Variants in EDEM2 observed in about 807,000 individuals in gnomAD.
EDEM2 encodes ER degradation enhancing alpha-mannosidase like protein 2.
Under a neutral mutation model 64.8 loss-of-function variants are expected in EDEM2, and 39 were observed. That is an observed-to-expected ratio of 0.60 (90% CI 0.47 to 0.79). The LOEUF is 0.79. Among genes scored for constraint, EDEM2 ranks in the 30% least tolerant of loss-of-function variants. EDEM2 has a pLI of 0.00. For missense variants in EDEM2, 609 were observed against 731.3 expected (o/e 0.83, Z 1.93); for synonymous variants, 296 against 291.5 (o/e 1.02, Z -0.16).
At chr20:35,133,407 T>C (rs1484532323) in intron 6 of EDEM2, among the ~76,000 whole-genome samples, 1 of 151,602 alleles carries the variant, frequency 6.6e-6, no homozygotes, top group Non-Finnish European at 1.5e-5. Flanking sequence ...ACGGTCCCAC[T>C]GCTGGAGCAA....
intron 4 of EDEM2, among the ~76,000 whole-genome samples, chr20:35,140,862 T>A (rs2085643700): frequency 2.6e-5 from 4 of 152,088 alleles, no homozygotes; most frequent in Admixed American, 2.6e-4. Flanking sequence ...CTCACACCTA[T>A]AATCCCAGCA....
intron 9 of EDEM2, among the ~76,000 whole-genome samples, chr20:35,120,376 T>G (rs2146087815): frequency 6.6e-6 from 1 of 152,128 alleles, no homozygotes; most frequent in Middle Eastern, 3.4e-3. Context: ...AGTTCTTATT[T>G]TAGAGAAAAG....
At chr20:35,121,789 G>A (rs939789468) in intron 9 of EDEM2, among the ~76,000 whole-genome samples, 3 of 107,100 alleles carry the variant, frequency 2.8e-5, no homozygotes, top group Non-Finnish European at 3.8e-5. Context: ...TCCTGACAGC[G>A]GTGCCTTATG....
rs1187294719 is a variant in EDEM2 at position 35,120,051 on chromosome 20, GTTC to G, written c.1115-1335_1115-1333del. Among the ~76,000 whole-genome samples the G allele has an allele frequency of 2.6e-5, 4 of 152,096 alleles. No homozygotes were observed. In the East Asian group the frequency reaches 7.7e-4, roughly 29 times the overall value. On this transcript the variant is annotated intron_variant, in intron 9 of 10. Transcript: ENST00000374492. ...TTTTGGCTTATTGCTGCAAACTCTG[GTTC>G]TTATTTTATTCCGTTAATTACTTTT...
intron 10 of EDEM2, 93 bp downstream of exon 10, chr20:35,118,505 A>G (rs780916513): frequency 1.3e-6 from 2 of 1,582,890 alleles, no homozygotes; most frequent in South Asian, 1.1e-5. Context: ...TCTAGTGCTG[A>G]TATGTCAGAA....
Position 35,134,403 on chromosome 20 carries a change from G to A in EDEM2, c.702+335C>T, listed in dbSNP as rs185642524. Reference sequence around the variant, plus strand: ...AGAAACACAGCAAATACAGATAGACGCTAAAAATGAAGGCCGGACGAGCTG... The same window carrying A: ...AGAAACACAGCAAATACAGATAGACACTAAAAATGAAGGCCGGACGAGCTG... On this transcript the variant is annotated intron_variant, in intron 6 of 10. Coordinates refer to ENST00000374492, the MANE Select transcript of EDEM2 (RefSeq NM_018217.3). Among the ~76,000 whole-genome samples the A allele has an allele frequency of 9.2e-5, 14 of 152,148 alleles. No individual in the cohort carries two copies. In the East Asian group the frequency reaches 1.7e-3, roughly 19 times the overall value.
In EDEM2 at chr20:35,147,260, G is replaced by A; in HGVS notation, c.-2C>T. The A allele has an allele frequency of 6.4e-7, 1 of 1,562,592 alleles. No individual in the cohort carries two copies. The highest frequency in any genetic ancestry group is 8.7e-7 in the Non-Finnish European group (1 of 1,150,406). ...CGGGATGAGCAGCCGGAAAGGCATA[G>A]AGCTCGTGTCCTCTCAGCGCCCCCG... On this transcript the variant is annotated 5_prime_UTR_variant, in exon 1 of 11. Coordinates refer to ENST00000374492, the MANE Select transcript of EDEM2 (RefSeq NM_018217.3).
intron 7 of EDEM2, among the ~76,000 whole-genome samples, chr20:35,130,789 A>G (rs1353630289): frequency 2.0e-5 from 3 of 152,242 alleles, no homozygotes; most frequent in African/African-American, 7.2e-5. Flanking sequence ...TTAGGTGCTC[A>G]ACAATTCCTC....
intron 4 of EDEM2, 85 bp downstream of exon 4, chr20:35,142,288 T>C: frequency 8.7e-7 from 1 of 1,146,840 alleles, no homozygotes; most frequent in Non-Finnish European, 1.3e-6. Flanking sequence ...TGGTCAGTCC[T>C]TAAAATCCTA....
chr20:35,123,222 A>G (rs757079741), intron 9 of EDEM2, among the ~76,000 whole-genome samples: 3 of 152,172 alleles, frequency 2.0e-5, no homozygotes, highest in Non-Finnish European at 4.4e-5. Context: ...GCTTGCCTAC[A>G]CTTCTGAAAT....
In EDEM2 at chr20:35,147,273, C is replaced by A. The variant is rs1215081239; in HGVS notation, c.-15G>T. On this transcript the variant is annotated 5_prime_UTR_variant, in exon 1 of 11. Coordinates refer to ENST00000374492, the MANE Select transcript of EDEM2 (RefSeq NM_018217.3). The stretch of plus-strand genomic sequence containing the variant: ...CGGAAAGGCATAGAGCTCGTGTCCT[C>A]TCAGCGCCCCCGCAGCAGCAGCAGC... The A allele has an allele frequency of 6.6e-7, 1 of 1,512,458 alleles. No homozygotes were observed. The highest frequency in any genetic ancestry group is 1.3e-5 in the South Asian group (1 of 78,244). The allele number at this position is 1,512,458 out of a possible 1,614,324, so 93.7% of individuals were successfully genotyped here. A position where few individuals can be genotyped will look rare whatever the true frequency, so the allele number is the denominator to read the frequency against.
intron 5 of EDEM2, among the ~76,000 whole-genome samples, chr20:35,137,057 C>G (rs2085586116): frequency 6.6e-6 from 1 of 152,176 alleles, no homozygotes; most frequent in African/African-American, 2.4e-5. Context: ...TCATTTTAGC[C>G]TCTCCAAAAC....
intron 4 of EDEM2, among the ~76,000 whole-genome samples, chr20:35,138,853 G>A (rs2085613882): frequency 6.6e-6 from 1 of 151,998 alleles, no homozygotes; most frequent in Non-Finnish European, 1.5e-5. Flanking sequence ...CAAAGTGCTG[G>A]ATTTACAGGC....
chr20:35,145,313 C>T (rs1441688539), intron 2 of EDEM2, among the ~76,000 whole-genome samples: 1 of 152,220 alleles, frequency 6.6e-6, no homozygotes, highest in Non-Finnish European at 1.5e-5. Flanking sequence ...AAGCACAGGC[C>T]TTTCACCAAT....
intron 8 of EDEM2, among the ~76,000 whole-genome samples, chr20:35,125,078 C>A (rs80202278): frequency 8.0e-4 from 122 of 152,320 alleles, no homozygotes; most frequent in East Asian, 4.4e-3. Flanking sequence ...CTTGGCACTT[C>A]CTAAACAAAA....
chr20:35,133,977 C>T, intron 6 of EDEM2: 1 of 404,872 alleles, frequency 2.5e-6, no homozygotes, highest in South Asian at 1.8e-5. Flanking sequence ...CTCAGGGTCA[C>T]ACAGTTTCGA....
intron 5 of EDEM2, among the ~76,000 whole-genome samples, chr20:35,136,686 G>T (rs575769819): frequency 4.1e-5 from 6 of 148,088 alleles, no homozygotes; most frequent in Non-Finnish European, 8.9e-5. Flanking sequence ...CCAGAAGTTC[G>T]AGAGGCTGCA....
intron 2 of EDEM2, 36 bp from the exon 3 acceptor site, chr20:35,145,054 A>G: frequency 6.2e-7 from 1 of 1,611,332 alleles, no homozygotes; most frequent in Non-Finnish European, 8.5e-7. Flanking sequence ...GCTTAGTAAG[A>G]AAATCAAATA....
rs927902001 is a variant in EDEM2, at chr20:35,128,126, C to T, written c.845-1751G>A. Among the ~76,000 whole-genome samples the T allele has an allele frequency of 1.2e-4, 19 of 152,320 alleles. 1 individual carries two copies. Among genetic ancestry groups the T allele is most frequent in the African/African-American group, 4.3e-4 (18 of 41,576 alleles). On this transcript the variant is annotated intron_variant, in intron 7 of 10. Coordinates refer to ENST00000374492, the MANE Select transcript of EDEM2 (RefSeq NM_018217.3). ...GTCGGCTGGGCGTGGTGGCTCACAC[C>T]TGTAATCCCAGCACTTTGGGAGGGC...
Sources: allele counts gnomAD v4.1 joint callset (sites outside exome capture counted in the v4.1 genomes callset), GRCh38; gene constraint gnomAD v4.1.1; transcripts MANE v1.5; gene names NCBI Gene and HGNC (gene_info 2026-07-23, HGNC 2026-07-21).